HMCN2: variants seen among roughly 807,000 people sequenced by gnomAD.
HMCN2 encodes hemicentin 2, also known as hemicentin-2.
A neutral mutation model predicts 377.5 loss-of-function variants in HMCN2; 325 were observed. The observed-to-expected ratio is 0.86, with a 90% CI of 0.79 to 0.94. HMCN2 has a LOEUF of 0.94. Among genes scored for constraint, HMCN2 ranks in the 40% least tolerant of loss-of-function variants. The pLI is 0.00. For synonymous variants in HMCN2, 2,007 were observed against 2,046.8 expected, an observed-to-expected ratio of 0.98 and a Z score of 0.53; for missense variants, 4,543 against 4,725.3, an observed-to-expected ratio of 0.96 and a Z score of 1.13.
rs912777270 is a variant in HMCN2 at position 130,351,151 on chromosome 9, C to T, written c.4431-272C>T. Among the ~76,000 whole-genome samples the T allele has an allele frequency of 2.0e-5, 3 of 152,180 alleles. No homozygotes were observed. The highest frequency in any genetic ancestry group is 2.0e-4 in the Admixed American group (3 of 15,274). On this transcript the variant is annotated intron_variant, in intron 29 of 97. Coordinates refer to ENST00000683500, the MANE Select transcript of HMCN2 (RefSeq NM_001291815.2). The surrounding 1 kb of genome is among the most constrained non-coding windows in gnomAD (Gnocchi z 5.4). ...AGAGTGTGTGGCCTTTTGTGTCTGG[C>T]TTCTTCCACTCGGCATATTTTCCAG...
Position 130,368,411 on chromosome 9 carries a change from G to A in HMCN2, c.6761G>A (p.Ser2254Asn), listed in dbSNP as rs1017646357. ...CECSNVVGNSSQDLQLEVHVP... is the reference protein window; with the variant it reads ...CECSNVVGNSNQDLQLEVHVP... ...TGCAGCAACGTGGTGGGGAACAGCA[G>A]CCAGGACCTGCAGCTGGAGGTGCAC... The change falls in exon 44 of 98, where the codon AGC becomes AAC. Residue 2254 changes from serine to asparagine, a missense_variant. Physicochemically the swap from Ser to Asn is conservative, Grantham distance 46 (BLOSUM62 1). Transcript: ENST00000683500. The A allele has an allele frequency of 6.4e-5, 63 of 986,152 alleles. No individual in the cohort carries two copies. Among genetic ancestry groups the A allele is most frequent in the Non-Finnish European group, 7.5e-5 (62 of 830,302 alleles). 61.1% of individuals were successfully genotyped at this position (986,152 alleles called of 1,614,324 possible).
chr9:130,404,824 G>A (rs920513800), intron 80 of HMCN2, 45 bp from the exon 81 acceptor site: 51 of 1,173,832 alleles, frequency 4.3e-5, no homozygotes, highest in Non-Finnish European at 5.5e-5. Context: ...GGTGTCAGCC[G>A]CCTCCCTGAG....
intron 92 of HMCN2, 31 bp downstream of exon 92, chr9:130,427,650 C>T (rs564845691): frequency 4.3e-5 from 66 of 1,540,942 alleles, no homozygotes; most frequent in Admixed American, 9.9e-5. Flanking sequence ...AGGGAGGAGA[C>T]GCGCTCCTCA....
chr9:130,348,069 G>A (rs1013237350), intron 26 of HMCN2: 15 of 984,832 alleles, frequency 1.5e-5, no homozygotes, highest in South Asian at 9.4e-5. Context: ...GGTCTCTGTC[G>A]GCAGGATGAA....
chr9:130,431,953 G>C (rs915477719), intron 96 of HMCN2, among the ~76,000 whole-genome samples: 6 of 152,224 alleles, frequency 3.9e-5, no homozygotes, highest in Non-Finnish European at 8.8e-5. Context: ...AACGGGGCTG[G>C]GGCCGGTCAT....
intron 36 of HMCN2, among the ~76,000 whole-genome samples, chr9:130,358,956 G>A (rs1205340877): frequency 6.6e-6 from 1 of 152,262 alleles, no homozygotes; most frequent in Non-Finnish European, 1.5e-5. Flanking sequence ...TCACAGGCGT[G>A]AGCCACGGTG....
intron 14 of HMCN2, 112 bp downstream of exon 14, chr9:130,307,678 C>T (rs1554937357): frequency 2.3e-6 from 1 of 439,460 alleles, no homozygotes; most frequent in African/African-American, 2.0e-5. Context: ...AGGTTCTGCT[C>T]CCCGCCGCCC....
At chr9:130,296,841 C>A (rs1554932366) in intron 7 of HMCN2, 47 bp downstream of exon 7, 1 of 463,240 alleles carries the variant, frequency 2.2e-6, no homozygotes, top group Admixed American at 2.4e-5. Flanking sequence ...CCTCTGAAGA[C>A]CTGGGGCTTG....
At chr9:130,293,775 A>T (rs886218899) in intron 4 of HMCN2, among the ~76,000 whole-genome samples, 4 of 152,204 alleles carry the variant, frequency 2.6e-5, no homozygotes, top group Admixed American at 6.5e-5. Context: ...CCCCACAGAG[A>T]TCCCAGGCCA....
chr9:130,275,742 G>A (rs550523031), intron 1 of HMCN2, among the ~76,000 whole-genome samples: 303 of 152,228 alleles, frequency 2.0e-3, no homozygotes, highest in African/African-American at 7.0e-3. Context: ...GAGCCACCAC[G>A]CCCGGCCGTG....
chr9:130,334,196 G>A (rs1333262637), intron 22 of HMCN2, among the ~76,000 whole-genome samples: 3 of 152,222 alleles, frequency 2.0e-5, no homozygotes, highest in African/African-American at 7.2e-5. Flanking sequence ...CCCCTGCGGA[G>A]GAACGGTGGT....
intron 95 of HMCN2, 117 bp downstream of exon 95, chr9:130,430,721 G>C (rs905118724): frequency 5.1e-6 from 5 of 981,900 alleles, no homozygotes; most frequent in African/African-American, 1.6e-5. Context: ...CAGGCAAGTG[G>C]GGTGAGTGGT....
At position 130,303,075 on chromosome 9, in the gene HMCN2, G is replaced by C. The variant is rs1490882658; in HGVS notation, c.1421+74G>C. The C allele has an allele frequency of 1.0e-5, 4 of 384,032 alleles. No homozygotes were observed. The highest frequency in any genetic ancestry group is 7.8e-5 in the South Asian group (4 of 51,436). 23.8% of individuals were successfully genotyped at this position (384,032 alleles called of 1,614,324 possible). A position where few individuals can be genotyped will look rare whatever the true frequency, so the allele number is the denominator to read the frequency against. ...TGCTGAGGCCCTGGAGGGATCTCAG[G>C]GGAGTGGGTGGCAGGAGAGAGACCT... On this transcript the variant is annotated intron_variant, in intron 9 of 97. Transcript: ENST00000683500. This position sits in a 1 kb window ranked among gnomAD's most constrained non-coding sequence, Gnocchi z 5.2.
rs745792246 is a variant in HMCN2, at chr9:130,304,849, C to T, written c.1663C>T (p.Arg555Ter). 228 of 471,094 alleles carry T rather than the reference C, an allele frequency of 4.8e-4. 2 individuals carry two copies. Among genetic ancestry groups the T allele is most frequent in the Admixed American group, 9.6e-4 (41 of 42,592 alleles). The allele number at this position is 471,094 out of a possible 1,614,324, so 29.2% of individuals were successfully genotyped here. The stretch of plus-strand genomic sequence containing the variant: ...CAACCTGACGTGGGTCCGGGACTGG[C>T]GAGTCCTGCCGGCCTCGACGGGCCG... The part of the protein sequence containing the change: ...PYNLTWVRDW[R>*]VLPASTGRVA... Residue 555 changes from arginine to a stop codon, truncating the protein, a stop_gained, in exon 11 of 98, where the codon CGA becomes TGA. Transcript: ENST00000683500. LOFTEE classifies it high-confidence loss of function. This position sits in a 1 kb window ranked among gnomAD's most constrained non-coding sequence, Gnocchi z 4.3.
chr9:130,378,933 G>C (rs1841548117), intron 53 of HMCN2, among the ~76,000 whole-genome samples: 1 of 152,164 alleles, frequency 6.6e-6, no homozygotes, highest in South Asian at 2.1e-4. Flanking sequence ...TCTATGCTCT[G>C]ATAGACAAAC....
intron 60 of HMCN2, among the ~76,000 whole-genome samples, chr9:130,385,987 C>T (rs1461854585): frequency 6.6e-6 from 1 of 152,136 alleles, no homozygotes; most frequent in Non-Finnish European, 1.5e-5. Context: ...TGGCATGAGC[C>T]CTTCCTGCCT....
chr9:130,275,568 G>A (rs1277845901), intron 1 of HMCN2, among the ~76,000 whole-genome samples: 2 of 152,124 alleles, frequency 1.3e-5, no homozygotes, highest in Non-Finnish European at 2.9e-5. Context: ...TCCTGCCTCA[G>A]CCTCCTGAGT....
intron 22 of HMCN2, among the ~76,000 whole-genome samples, 183 bp from the exon 23 acceptor site, chr9:130,337,711 C>T (rs1244712081): frequency 5.1e-5 from 7 of 135,924 alleles, no homozygotes; most frequent in Admixed American, 2.4e-4. Context: ...CACCAGTAGG[C>T]GTGAGAACTG....
At chr9:130,400,559 C>A (rs1842815121) in intron 76 of HMCN2, 2 of 243,262 alleles carry the variant, frequency 8.2e-6, no homozygotes, top group African/African-American at 4.7e-5. Flanking sequence ...ACTGAGACCC[C>A]ATCTCTGAAA....
Sources: allele counts gnomAD v4.1 joint callset (sites outside exome capture counted in the v4.1 genomes callset), GRCh38; gene constraint gnomAD v4.1.1; non-coding constraint Gnocchi (gnomAD v3.1); transcripts MANE v1.5; gene names NCBI Gene and HGNC (gene_info 2026-07-23, HGNC 2026-07-21).